ZNF585B: variants seen among roughly 807,000 people sequenced by gnomAD.
The protein encoded by ZNF585B is zinc finger protein 41-like protein.
In ZNF585B, 7 loss-of-function variants were observed where a neutral mutation model predicts 14.0. The observed-to-expected ratio is 0.50, with a 90% CI of 0.28 to 0.94. ZNF585B has a LOEUF of 0.94. Ranked by LOEUF, ZNF585B falls within the 40% of genes least tolerant of loss-of-function variation. The pLI, the probability that ZNF585B is intolerant of heterozygous loss-of-function variation, is 0.09. For missense variants in ZNF585B, 750 were observed against 924.4 expected (o/e 0.81, Z 2.45); for synonymous variants, 290 against 317.3 (o/e 0.91, Z 0.91).
rs761907933 is a variant in ZNF585B, at chr19:37,189,752, C to CCCT, written c.200-2_200dup (p.Gly67dup). 1.2e-6 allele frequency: 2 copies of CCCT among 1,614,106 alleles called. No homozygotes were observed. The highest frequency in any genetic ancestry group is 1.7e-6 in the Non-Finnish European group (2 of 1,180,014). On this transcript the variant is annotated inframe_insertion and splice_region_variant, in exon 4 of 5. Coordinates refer to ENST00000532828, the MANE Select transcript of ZNF585B (RefSeq NM_152279.4). Reference sequence around the variant, plus strand: ...CCACCTCTGGTTTAGGAACTTGATACCCTGTTCATGGGAAATGATAAAGGT... The same window carrying CCCT: ...CCACCTCTGGTTTAGGAACTTGATACCCTCCTGTTCATGGGAAATGATAAAGGT...
intron 2 of ZNF585B, 56 bp from the exon 3 acceptor site, chr19:37,190,206 C>G: frequency 6.2e-7 from 1 of 1,606,534 alleles, no homozygotes; most frequent in Non-Finnish European, 8.5e-7. Context: ...GGTGGAGTGA[C>G]TATATATGGG....
chr19:37,203,502 A>G (rs1252095807), intron 2 of ZNF585B, among the ~76,000 whole-genome samples: 1 of 143,640 alleles, frequency 7.0e-6, no homozygotes, highest in Non-Finnish European at 1.5e-5. Context: ...AAAAAAAAGT[A>G]GTACTTTATT....
rs1289316694 is a variant in ZNF585B, at chr19:37,185,473, T to C, written c.2064A>G (p.Lys688=). The C allele has an allele frequency of 3.1e-6, 5 of 1,606,952 alleles. No individual in the cohort carries two copies. Among genetic ancestry groups the C allele is most frequent in the African/African-American group, 2.7e-5 (2 of 72,748 alleles). The change falls in exon 5 of 5, where the codon AAA becomes AAG. Residue 688 remains lysine (K), a synonymous_variant. Coordinates refer to ENST00000532828, the MANE Select transcript of ZNF585B (RefSeq NM_152279.4). ...ITHHRIHTGE[K]PYECSDCGKS... is the part of the protein sequence containing the mutation. Reference sequence around the variant, plus strand: ...TCCCACAGTCACTGCACTCATAAGGTTTCTCTCCAGTATGAATTCTGTGAT... The same window carrying C: ...TCCCACAGTCACTGCACTCATAAGGCTTCTCTCCAGTATGAATTCTGTGAT...
rs1214789322 is a variant in ZNF585B, at chr19:37,187,083, G to A, written c.454C>T (p.Pro152Ser). 6.2e-7 allele frequency: 1 copy of A among 1,613,950 alleles called. No individual in the cohort carries two copies. The highest frequency in any genetic ancestry group is 8.5e-7 in the Non-Finnish European group (1 of 1,179,986). ...CATACATAGAGTTTTTCTCCTGTAGGAACTTTCAGATGTACCTTGAACTGT... is the reference window on the plus strand; with the variant it reads ...CATACATAGAGTTTTTCTCCTGTAGAAACTTTCAGATGTACCTTGAACTGT... The part of the protein sequence containing the change: ...KSQFKVHLKV[P>S]TGEKLYVCIE... Residue 152 changes from proline to serine, a missense_variant, in exon 5 of 5, where the codon CCT (proline) becomes TCT (serine). By Grantham distance (74) the Pro-to-Ser change is moderately conservative. Transcript: ENST00000532828.
intron 2 of ZNF585B, among the ~76,000 whole-genome samples, chr19:37,204,300 T>C (rs1314338510): frequency 1.3e-5 from 2 of 152,222 alleles, no homozygotes; most frequent in African/African-American, 4.8e-5. Context: ...AAAGCAGTCC[T>C]AACCTCTGAG....
intron 2 of ZNF585B, 147 bp from the exon 3 acceptor site, chr19:37,190,297 G>A (rs549686874): frequency 7.2e-5 from 84 of 1,168,474 alleles, no homozygotes; most frequent in Non-Finnish European, 8.9e-5. Context: ...CCAGGCTGGA[G>A]TGCAGTGGCG....
At chr19:37,195,841 A>G (rs1267912232) in intron 2 of ZNF585B, 1 of 152,264 alleles carries the variant, frequency 6.6e-6, no homozygotes, top group African/African-American at 2.4e-5. Flanking sequence ...AGCCTTACCA[A>G]TATGGAGAAA....
chr19:37,206,907 C>T (rs1972592598), intron 2 of ZNF585B, 133 bp downstream of exon 2: 2 of 1,150,616 alleles, frequency 1.7e-6, no homozygotes, highest in Non-Finnish European at 2.5e-6. Flanking sequence ...ATCAAGTTTT[C>T]TTTCAGGAGC....
chr19:37,206,078 CAATA>C (rs112298591), intron 2 of ZNF585B, among the ~76,000 whole-genome samples: 1 of 148,768 alleles, frequency 6.7e-6, no homozygotes, highest in Non-Finnish European at 1.5e-5. Context: ...AAAACTCCAT[CAATA>C]AATAAATAAA....
intron 1 of ZNF585B, among the ~76,000 whole-genome samples, chr19:37,207,786 C>T (rs1239677800): frequency 3.3e-5 from 5 of 152,048 alleles, no homozygotes; most frequent in East Asian, 1.9e-4. Context: ...TATATTAAAA[C>T]GTAATACAGA....
At chr19:37,191,696 T>C (rs1031749042) in intron 2 of ZNF585B, among the ~76,000 whole-genome samples, 2 of 152,132 alleles carry the variant, frequency 1.3e-5, no homozygotes, top group African/African-American at 4.8e-5. Flanking sequence ...TTTGTTCTGT[T>C]CTACAGTCAG....
intron 2 of ZNF585B, 113 bp downstream of exon 2, chr19:37,206,926 TA>T (rs1351428517): frequency 1.6e-5 from 21 of 1,328,828 alleles, no homozygotes; most frequent in Non-Finnish European, 2.2e-5. Flanking sequence ...GCACCAAGTC[TA>T]GAGTCCAGCT....
chr19:37,195,918 CG>C (rs1972461153), intron 2 of ZNF585B: 1 of 152,102 alleles, frequency 6.6e-6, no homozygotes, highest in Non-Finnish European at 1.5e-5. Flanking sequence ...CTCAGCTACT[CG>C]GGAGGCTGAG....
intron 2 of ZNF585B, 78 bp downstream of exon 2, chr19:37,206,962 G>A: frequency 1.3e-6 from 2 of 1,579,388 alleles, no homozygotes; most frequent in Non-Finnish European, 1.7e-6. Context: ...GTCTGCCTCT[G>A]CCCTAAGGCT....
intron 4 of ZNF585B, among the ~76,000 whole-genome samples, chr19:37,188,355 T>G (rs1050314735): frequency 1.1e-4 from 16 of 152,084 alleles, no homozygotes; most frequent in Non-Finnish European, 1.6e-4. Flanking sequence ...GCGTGGTGGC[T>G]CATGCCTGTA....
At chr19:37,194,002 G>A (rs1274683051) in intron 2 of ZNF585B, among the ~76,000 whole-genome samples, 1 of 152,082 alleles carries the variant, frequency 6.6e-6, no homozygotes, top group Admixed American at 6.6e-5. Context: ...AAAGAAAAAA[G>A]AATTCATCTC....
rs1484089932 is a variant in ZNF585B at position 37,183,705 on chromosome 19, G to C, written c.*1522C>G. On this transcript the variant is annotated 3_prime_UTR_variant, in exon 5 of 5. Transcript: ENST00000532828. Reference sequence around the variant, plus strand: ...CCCTGAGTCAGGAACTGATGTTTGAGGCACATGGCGGGGAAGGTCCTTGTG... The same window carrying C: ...CCCTGAGTCAGGAACTGATGTTTGACGCACATGGCGGGGAAGGTCCTTGTG... 1 of 152,292 alleles carries C rather than the reference G, an allele frequency of 6.6e-6. No individual in the cohort carries two copies. Among genetic ancestry groups the C allele is most frequent in the East Asian group, 1.9e-4 (1 of 5,186 alleles). 9.4% of individuals were successfully genotyped at this position (152,292 alleles called of 1,614,324 possible). A position where few individuals can be genotyped will look rare whatever the true frequency, so the allele number is the denominator to read the frequency against.
rs1972272667 is a variant in ZNF585B, at chr19:37,182,063, G to C, written c.*3164C>G. 6.6e-6 allele frequency: 1 copy of C among 152,068 alleles called. No individual in the cohort carries two copies. The highest frequency in any genetic ancestry group is 6.6e-5 in the Admixed American group (1 of 15,262). 9.4% of individuals were successfully genotyped at this position (152,068 alleles called of 1,614,324 possible). The stretch of plus-strand genomic sequence containing the variant: ...ACTCTGAAGGGGGATGTTGATGATG[G>C]GGGAGGCTGTGTATATGTGAGGGTA... On this transcript the variant is annotated 3_prime_UTR_variant, in exon 5 of 5. Transcript: ENST00000532828.
chr19:37,191,270 T>G (rs1015696585), intron 2 of ZNF585B, among the ~76,000 whole-genome samples: 3 of 152,148 alleles, frequency 2.0e-5, no homozygotes, highest in African/African-American at 7.2e-5. Flanking sequence ...GGTCACATAT[T>G]AAATATCCAG....
Sources: allele counts gnomAD v4.1 joint callset (sites outside exome capture counted in the v4.1 genomes callset), GRCh38; gene constraint gnomAD v4.1.1; transcripts MANE v1.5; gene names NCBI Gene and HGNC (gene_info 2026-07-23, HGNC 2026-07-21).